FBN2: variants seen among roughly 807,000 people sequenced by gnomAD.
FBN2 encodes fibrillin-2.
FBN2 carries 105 observed loss-of-function variants against 355.6 expected under a neutral mutation model. That is an observed-to-expected ratio of 0.30 (90% CI 0.25 to 0.35). FBN2 has a LOEUF of 0.35. Ranked by LOEUF, FBN2 falls within the 10% of genes least tolerant of loss-of-function variation. FBN2 has a pLI of 1.00. For synonymous variants in FBN2, 1,350 were observed against 1,301.2 expected (o/e 1.04, Z -0.81); for missense variants, 3,280 against 3,758.7 (o/e 0.87, Z 3.33).
At chr5:128,426,005 G>A (rs765962427) in intron 7 of FBN2, among the ~76,000 whole-genome samples, 10 of 152,256 alleles carry the variant, frequency 6.6e-5, no homozygotes, top group South Asian at 2.1e-4. Flanking sequence ...GGTCCTGTAC[G>A]TGTGAAGGTG....
At chr5:128,290,045 T>C (rs1034284608) in intron 50 of FBN2, 98 bp from the exon 51 acceptor site, 56 of 752,932 alleles carry the variant, frequency 7.4e-5, no homozygotes, top group Non-Finnish European at 1.3e-4. Context: ...CACTTAATTA[T>C]GTTTCCATTA....
intron 1 of FBN2, 42 bp from the exon 2 acceptor site, chr5:128,536,526 G>C (rs185629959): frequency 1.4e-6 from 2 of 1,434,254 alleles, no homozygotes; most frequent in African/African-American, 2.8e-5. Flanking sequence ...TAGGTAGAGG[G>C]ATGCAGCAAC....
rs987178443 is a variant in FBN2, at chr5:128,328,807, C to A, written c.4360G>T (p.Ala1454Ser). ...GFTCSDVDECAENINLCENGQ... is the reference protein window; with the variant it reads ...GFTCSDVDECSENINLCENGQ... The stretch of plus-strand genomic sequence containing the variant: ...TTCTCACAGAGGTTTATGTTTTCTG[C>A]ACACTCATCAACATCTGTGCAAAAA... Residue 1454 changes from alanine to serine, a missense_variant, in exon 34 of 65, where the codon GCA becomes TCA. Physicochemically the swap from Ala to Ser is moderately conservative, Grantham distance 99. Transcript: ENST00000262464. The A allele has an allele frequency of 1.2e-6, 2 of 1,614,030 alleles. No homozygotes were observed.
At chr5:128,500,430 C>CTTTTTT (rs149068555) in intron 5 of FBN2, among the ~76,000 whole-genome samples, 610 of 51,172 alleles carry the variant, frequency 0.012, 101 homozygotes, top group African/African-American at 0.015. Flanking sequence ...TCTGACAATT[C>CTTTTTT]TTTTTTTTTT....
chr5:128,449,559 T>C (rs1246004326), intron 6 of FBN2, among the ~76,000 whole-genome samples: 1 of 150,804 alleles, frequency 6.6e-6, no homozygotes, highest in Non-Finnish European at 1.5e-5. Flanking sequence ...AGCAGAGATA[T>C]AGCTAATAAT....
rs1334184770 is a variant in FBN2, at chr5:128,380,726, GAC to G, written c.1604-1838_1604-1837del. ...TTGTTTTCTGGGATTTTCAGTTTTAGACTAGTCACAAACGACCACTGCCAACT... is the reference window on the plus strand; with the variant it reads ...TTGTTTTCTGGGATTTTCAGTTTTAGTAGTCACAAACGACCACTGCCAACT... On this transcript the variant is annotated intron_variant, in intron 11 of 64. Coordinates refer to ENST00000262464, the MANE Select transcript of FBN2 (RefSeq NM_001999.4). Among the ~76,000 whole-genome samples the G allele has an allele frequency of 7.2e-5, 11 of 152,064 alleles. No individual in the cohort carries two copies. In the East Asian group the frequency reaches 1.9e-3, roughly 27 times the overall value.
chr5:128,332,620 G>C (rs1750723448), intron 32 of FBN2, among the ~76,000 whole-genome samples: 1 of 152,054 alleles, frequency 6.6e-6, no homozygotes, highest in South Asian at 2.1e-4. Flanking sequence ...TGAAAAGATT[G>C]GAAGAACATA....
intron 5 of FBN2, among the ~76,000 whole-genome samples, chr5:128,482,763 C>A (rs1755229181): frequency 6.6e-6 from 1 of 152,012 alleles, no homozygotes; most frequent in South Asian, 2.1e-4. Context: ...GAGGCTTAAC[C>A]CTTACAAAGG....
intron 7 of FBN2, among the ~76,000 whole-genome samples, chr5:128,435,347 CTG>C (rs1319740079): frequency 6.6e-6 from 1 of 152,128 alleles, no homozygotes; most frequent in Non-Finnish European, 1.5e-5. Context: ...AGTAAGTCAA[CTG>C]TGTTATTTTC....
In FBN2 at chr5:128,537,683, G is replaced by T; in HGVS notation, c.-80C>A. 1 of 1,417,458 alleles carries T rather than the reference G, an allele frequency of 7.1e-7. No individual in the cohort carries two copies. 87.8% of individuals were successfully genotyped at this position (1,417,458 alleles called of 1,614,324 possible). ...CAAAATCTGCGCGCCTCAGAAAAGA[G>T]TCAGGGTCTAATAAGCCCTTCGTCG... On this transcript the variant is annotated 5_prime_UTR_variant, in exon 1 of 65. Transcript: ENST00000262464.
intron 58 of FBN2, 72 bp downstream of exon 58, chr5:128,277,808 T>A: frequency 4.0e-6 from 6 of 1,488,720 alleles, no homozygotes; most frequent in Non-Finnish European, 4.7e-6. Flanking sequence ...ACTCTACTGA[T>A]AATGAGTGAC....
rs538085837 is a variant in FBN2, at chr5:128,492,536, C to T, written c.628+26737G>A. 2.6e-5 allele frequency among the ~76,000 whole-genome samples: 4 copies of T among 152,256 alleles called. No homozygotes were observed. The East Asian group carries it at 7.7e-4, about 29-fold the overall frequency. On this transcript the variant is annotated intron_variant, in intron 5 of 64. Transcript: ENST00000262464. Reference sequence around the variant, plus strand: ...TAGAAATACTGGCTGGGCGCGGTAGCTCATGCCTGTAATCCCAGCACTTTG... The same window carrying T: ...TAGAAATACTGGCTGGGCGCGGTAGTTCATGCCTGTAATCCCAGCACTTTG...
chr5:128,448,265 T>C (rs917905771), intron 6 of FBN2, among the ~76,000 whole-genome samples: 10 of 152,076 alleles, frequency 6.6e-5, no homozygotes, highest in African/African-American at 2.4e-4. Context: ...ATTTCTTCTT[T>C]CCTGCCAATA....
chr5:128,446,509 T>A lies in FBN2; in HGVS notation c.924A>T (p.Lys308Asn), dbSNP rs1237708810. 2.5e-6 allele frequency: 4 copies of A among 1,614,008 alleles called. No homozygotes were observed. The highest frequency in any genetic ancestry group is 1.7e-5 in the Admixed American group (1 of 60,022). Residue 308 changes from lysine to asparagine, a missense_variant, in exon 7 of 65, where the codon AAA (lysine) becomes AAT (asparagine). Transcript: ENST00000262464. Reference sequence around the variant, plus strand: ...CACATTTCTGAGTAGTTTCACTCTGTTTGTGACCAGCAGGGCATCTGCATT... The same window carrying A: ...CACATTTCTGAGTAGTTTCACTCTGATTGTGACCAGCAGGGCATCTGCATT... Reference protein sequence around the residue: ...SFECRCPAGHKQSETTQKCED... With the variant: ...SFECRCPAGHNQSETTQKCED...
chr5:128,464,814 C>G lies in FBN2; in HGVS notation c.736G>C (p.Ala246Pro). ...CACATCTCACAGGGATGGCCCCACG[C>G]CCGTCCAATGGTGGCACAGCACAGA... is the stretch of plus-strand genomic sequence containing the variant. The part of the protein sequence containing the change: ...KTLCCATIGR[A>P]WGHPCEMCPA... The change falls in exon 6 of 65, where the codon GCG (alanine) becomes CCG (proline). Residue 246 changes from alanine (A) to proline (P), a missense_variant. Coordinates refer to ENST00000262464, the MANE Select transcript of FBN2 (RefSeq NM_001999.4). 6.2e-7 allele frequency: 1 copy of G among 1,614,248 alleles called. No homozygotes were observed. Among genetic ancestry groups the G allele is most frequent in the Non-Finnish European group, 8.5e-7 (1 of 1,180,046 alleles).
intron 8 of FBN2, among the ~76,000 whole-genome samples, chr5:128,408,291 T>C (rs988085981): frequency 1.3e-5 from 2 of 152,194 alleles, no homozygotes; most frequent in Non-Finnish European, 1.5e-5. Flanking sequence ...CTTTTTTGTA[T>C]AGTAACTATT....
At chr5:128,345,805 T>G (rs1462224923) in intron 23 of FBN2, among the ~76,000 whole-genome samples, 2 of 152,146 alleles carry the variant, frequency 1.3e-5, no homozygotes, top group Non-Finnish European at 2.9e-5. Context: ...CAAGAAACCC[T>G]CAGGAAGAAA....
intron 21 of FBN2, among the ~76,000 whole-genome samples, 163 bp from the exon 22 acceptor site, chr5:128,350,168 A>T (rs911081662): frequency 3.3e-5 from 5 of 152,256 alleles, no homozygotes; most frequent in Non-Finnish European, 7.3e-5. Context: ...TCAGTAGGGC[A>T]CATGACTTTC....
intron 8 of FBN2, among the ~76,000 whole-genome samples, chr5:128,403,666 C>T (rs903021628): frequency 1.2e-4 from 18 of 151,932 alleles, no homozygotes; most frequent in African/African-American, 2.9e-4. Context: ...CTATTTAAAA[C>T]GCTTTTTAGA....
Sources: gnomAD v4.1 joint callset for allele counts (sites outside exome capture counted in the v4.1 genomes callset) on GRCh38, gnomAD v4.1.1 for gene constraint, MANE v1.5 for transcripts, NCBI Gene and HGNC (gene_info 2026-07-23, HGNC 2026-07-21) for gene names.